PICALM: variants seen among roughly 807,000 people sequenced by gnomAD.
PICALM encodes phosphatidylinositol-binding clathrin assembly protein.
PICALM carries 40 observed loss-of-function variants against 80.5 expected under a neutral mutation model. That is an observed-to-expected ratio of 0.50 (90% CI 0.39 to 0.65). PICALM has a LOEUF of 0.65. Among genes scored for constraint, PICALM ranks in the 30% least tolerant of loss-of-function variants. PICALM has a pLI of 0.00. For missense variants in PICALM, 676 were observed against 778.9 expected (o/e 0.87, Z 1.57); for synonymous variants, 288 against 260.3 (o/e 1.11, Z -1.02).
chr11:85,998,522 G>A (rs1215377477), intron 11 of PICALM, among the ~76,000 whole-genome samples: 1 of 152,052 alleles, frequency 6.6e-6, no homozygotes, highest in African/African-American at 2.4e-5. Flanking sequence ...GCTGGGTGTA[G>A]TGGCTCATGC....
intron 1 of PICALM, among the ~76,000 whole-genome samples, chr11:86,033,201 G>A (rs566384155): frequency 1.3e-5 from 2 of 152,210 alleles, no homozygotes; most frequent in South Asian, 4.1e-4. Context: ...CTAGACTTCA[G>A]TTTCAACGAC....
chr11:86,022,940 A>T (rs576103515), intron 3 of PICALM, among the ~76,000 whole-genome samples: 14 of 152,278 alleles, frequency 9.2e-5, no homozygotes, highest in African/African-American at 3.4e-4. Context: ...AGTATAAAAA[A>T]TTACTGTGTA....
At chr11:85,982,674 G>A (rs960262855) in intron 14 of PICALM, among the ~76,000 whole-genome samples, 4 of 150,158 alleles carry the variant, frequency 2.7e-5, no homozygotes, top group African/African-American at 4.9e-5. Flanking sequence ...TGATCCACCC[G>A]CCTCGGCCTC....
chr11:85,989,221 T>C (rs924845416), intron 13 of PICALM, among the ~76,000 whole-genome samples: 16 of 152,218 alleles, frequency 1.1e-4, no homozygotes, highest in Admixed American at 6.5e-5. Flanking sequence ...ATTACTGCAA[T>C]GAATTATCAC....
chr11:85,966,360 C>T (rs1211640740), intron 19 of PICALM, among the ~76,000 whole-genome samples: 1 of 152,176 alleles, frequency 6.6e-6, no homozygotes, highest in Non-Finnish European at 1.5e-5. Flanking sequence ...GTGTGAGCCA[C>T]TGTGCCCAAT....
intron 1 of PICALM, among the ~76,000 whole-genome samples, chr11:86,043,293 AC>A (rs898183875): frequency 6.6e-6 from 1 of 151,836 alleles, no homozygotes; most frequent in African/African-American, 2.4e-5. Context: ...TTGCCCTCTA[AC>A]CCCTCTACCC....
chr11:85,988,074 TCAAA>T (rs892558305), intron 13 of PICALM, among the ~76,000 whole-genome samples: 30 of 152,340 alleles, frequency 2.0e-4, no homozygotes, highest in African/African-American at 7.0e-4. Context: ...TTTAGTTGTG[TCAAA>T]CATTCTTTTT....
intron 17 of PICALM, 30 bp from the exon 18 acceptor site, chr11:85,976,712 A>C (rs1480632392): frequency 7.4e-7 from 1 of 1,348,722 alleles, no homozygotes; most frequent in Non-Finnish European, 1.1e-6. Flanking sequence ...AATGAACAAG[A>C]AAGTATAACT....
At chr11:85,990,516 T>A in intron 12 of PICALM, 117 bp from the exon 13 acceptor site, 1 of 475,972 alleles carries the variant, frequency 2.1e-6, no homozygotes, top group East Asian at 3.5e-5. Flanking sequence ...TTATTAATCT[T>A]AAATATCTAA....
At chr11:86,034,117 C>A (rs1593160467) in intron 1 of PICALM, among the ~76,000 whole-genome samples, 3 of 152,108 alleles carry the variant, frequency 2.0e-5, no homozygotes, top group African/African-American at 4.8e-5. Context: ...AAAAAAAATT[C>A]TTCACACATA....
chr11:85,977,079 A>G (rs2094305531), intron 17 of PICALM: 1 of 153,548 alleles, frequency 6.5e-6, no homozygotes, highest in Non-Finnish European at 1.5e-5. Flanking sequence ...TTACTTAGGT[A>G]CCTGATTGCT....
chr11:86,020,329 CA>C (rs1214706998), intron 4 of PICALM, among the ~76,000 whole-genome samples: 1 of 147,960 alleles, frequency 6.8e-6, no homozygotes, highest in Non-Finnish European at 1.5e-5. Flanking sequence ...CAATCCCCCA[CA>C]AAATCCCAGC....
At chr11:85,978,279 G>C in intron 17 of PICALM, 2 of 513,756 alleles carry the variant, frequency 3.9e-6, no homozygotes, top group Non-Finnish European at 7.0e-6. Context: ...AGGTTGACAA[G>C]GGAATTGTAG....
In PICALM at chr11:85,958,344, TAA is replaced by T. The variant is rs1276779777; in HGVS notation, c.*700_*701del. 4.7e-6 allele frequency: 1 copy of T among 213,670 alleles called. No homozygotes were observed. The highest frequency in any genetic ancestry group is 9.5e-6 in the Non-Finnish European group (1 of 105,526). 13.2% of individuals were successfully genotyped at this position (213,670 alleles called of 1,614,324 possible). ...GAGATTCAGACCTATGGACTTGCCT[TAA>T]AATATTTAGTGCTCTGTATGTCAGC... is the stretch of plus-strand genomic sequence containing the variant. On this transcript the variant is annotated 3_prime_UTR_variant, in exon 20 of 20. Transcript: ENST00000393346.
intron 1 of PICALM, among the ~76,000 whole-genome samples, chr11:86,038,870 G>C (rs1028067315): frequency 6.6e-6 from 1 of 151,952 alleles, no homozygotes; most frequent in African/African-American, 2.4e-5. Flanking sequence ...CAGTACGTTG[G>C]GGGTCAAGGA....
At chr11:86,052,145 C>T (rs762188737) in intron 1 of PICALM, among the ~76,000 whole-genome samples, 1 of 152,112 alleles carries the variant, frequency 6.6e-6, no homozygotes, top group Non-Finnish European at 1.5e-5. Context: ...TGAATCATAG[C>T]GACAGTTTCT....
intron 19 of PICALM, among the ~76,000 whole-genome samples, chr11:85,961,248 A>G (rs999194268): frequency 7.2e-5 from 11 of 152,140 alleles, no homozygotes; most frequent in Non-Finnish European, 1.6e-4. Context: ...TTCTTTCTTC[A>G]TAAGGGTCGA....
At chr11:85,978,832 T>C (rs568676802) in intron 17 of PICALM, 2 of 152,036 alleles carry the variant, frequency 1.3e-5, no homozygotes, top group Non-Finnish European at 2.9e-5. Context: ...TTCATATAGA[T>C]TAATACTAAC....
intron 19 of PICALM, among the ~76,000 whole-genome samples, chr11:85,968,094 G>A (rs750467791): frequency 4.6e-5 from 7 of 152,192 alleles, no homozygotes; most frequent in Admixed American, 6.5e-5. Context: ...AGCACTTTTG[G>A]AAGCCAAGGT....
Sources: allele counts gnomAD v4.1 joint callset (sites outside exome capture counted in the v4.1 genomes callset), GRCh38; gene constraint gnomAD v4.1.1; transcripts MANE v1.5; gene names NCBI Gene and HGNC (gene_info 2026-07-23, HGNC 2026-07-21).